The following ERICH3 variants were observed in gnomAD, a reference collection of about 807,000 sequenced individuals.
ERICH3 encodes the protein glutamate-rich protein 3.
In ERICH3, 126 loss-of-function variants were observed where a neutral mutation model predicts 131.1. The observed-to-expected ratio is 0.96, with a 90% CI of 0.83 to 1.11. ERICH3 has a LOEUF of 1.11. Among genes scored for constraint, ERICH3 ranks in the 50% most tolerant of loss-of-function variants. The pLI, the probability that ERICH3 is intolerant of heterozygous loss-of-function variation, is 0.00. For missense variants in ERICH3, 2,050 were observed against 1,810.7 expected (o/e 1.13, Z -2.40); for synonymous variants, 695 against 644.6 (o/e 1.08, Z -1.18).
chr1:74,619,237 A>G (rs1649110225), intron 8 of ERICH3, among the ~76,000 whole-genome samples: 1 of 152,184 alleles, frequency 6.6e-6, no homozygotes, highest in African/African-American at 2.4e-5. Context: ...CTCATCACAG[A>G]GTGTACATCA....
At chr1:74,589,250 A>G (rs1229796712) in intron 12 of ERICH3, 4 of 301,716 alleles carry the variant, frequency 1.3e-5, no homozygotes, top group African/African-American at 2.1e-5. Context: ...CATTAGCTAT[A>G]TATCTGAAAC....
intron 8 of ERICH3, among the ~76,000 whole-genome samples, chr1:74,613,826 G>A (rs1194547140): frequency 6.6e-6 from 1 of 152,060 alleles, no homozygotes; most frequent in Non-Finnish European, 1.5e-5. Context: ...TCAAAATCCT[G>A]TGTCTCATGA....
chr1:74,602,504 G>A (rs1056444835), intron 10 of ERICH3, among the ~76,000 whole-genome samples: 2 of 151,972 alleles, frequency 1.3e-5, no homozygotes, highest in Admixed American at 6.6e-5. Flanking sequence ...GAGTCAACAC[G>A]GGGTCAACAT....
intron 11 of ERICH3, among the ~76,000 whole-genome samples, chr1:74,593,707 C>G (rs767169287): frequency 1.3e-5 from 2 of 152,080 alleles, no homozygotes; most frequent in African/African-American, 4.8e-5. Context: ...TGACATAGCA[C>G]TTTACAAACA....
At chr1:74,602,607 G>A (rs1032026326) in intron 10 of ERICH3, among the ~76,000 whole-genome samples, 4 of 151,760 alleles carry the variant, frequency 2.6e-5, no homozygotes, top group South Asian at 2.1e-4. Context: ...AAACCCTTGC[G>A]GCTGTGGCTG....
intron 7 of ERICH3, chr1:74,623,289 A>T (rs1178904260): frequency 1.3e-5 from 2 of 152,188 alleles, no homozygotes; most frequent in East Asian, 3.9e-4. Flanking sequence ...AACTGAGCTG[A>T]TAAAGAAACA....
At chr1:74,590,196 A>C in intron 11 of ERICH3, 116 bp from the exon 12 acceptor site, 7 of 899,880 alleles carry the variant, frequency 7.8e-6, no homozygotes, top group Non-Finnish European at 1.1e-5. Context: ...TTTAATATAG[A>C]CCTGATATCC....
rs747984340 is a variant in ERICH3, at chr1:74,571,848, C to T, written c.3862G>A (p.Glu1288Lys). The change falls in exon 14 of 15, where the codon GAA becomes AAA. Residue 1288 changes from glutamate (E) to lysine (K), a missense_variant. Transcript: ENST00000326665. Reference sequence around the variant, plus strand: ...TCCTCTGGGTCCTCATCCACCGCTTCCTCCCTGAACTTTTCTGCCATTATG... The same window carrying T: ...TCCTCTGGGTCCTCATCCACCGCTTTCTCCCTGAACTTTTCTGCCATTATG... Reference protein sequence around the residue: ...DPIMAEKFREEAVDEDPEEEE... With the variant: ...DPIMAEKFREKAVDEDPEEEE... 9.9e-6 allele frequency: 16 copies of T among 1,612,212 alleles called. No individual in the cohort carries two copies. Among genetic ancestry groups the T allele is most frequent in the African/African-American group, 1.3e-5 (1 of 74,920 alleles).
intron 7 of ERICH3, among the ~76,000 whole-genome samples, chr1:74,627,453 A>G (rs1278577699): frequency 1.3e-5 from 2 of 152,286 alleles, no homozygotes; most frequent in East Asian, 1.9e-4. Flanking sequence ...AAAAAAACTA[A>G]GATGGTAGAA....
intron 12 of ERICH3, 146 bp from the exon 13 acceptor site, chr1:74,577,082 G>T: frequency 3.1e-6 from 2 of 638,366 alleles, no homozygotes; most frequent in Non-Finnish European, 2.7e-6. Flanking sequence ...AAAGAAGACT[G>T]ATCTGAAAAT....
intron 10 of ERICH3, among the ~76,000 whole-genome samples, chr1:74,601,120 T>C (rs1331305721): frequency 6.6e-6 from 1 of 151,852 alleles, no homozygotes; most frequent in African/African-American, 2.4e-5. Flanking sequence ...CATTTAAATA[T>C]AAAATATGAA....
At chr1:74,621,209 T>C (rs534746139) in intron 7 of ERICH3, among the ~76,000 whole-genome samples, 1 of 152,174 alleles carries the variant, frequency 6.6e-6, no homozygotes, top group East Asian at 1.9e-4. Context: ...TGTGTGGGAG[T>C]GTGTTTGTTA....
At chr1:74,655,307 A>G (rs976115216) in intron 1 of ERICH3, among the ~76,000 whole-genome samples, 2 of 152,214 alleles carry the variant, frequency 1.3e-5, no homozygotes, top group Non-Finnish European at 2.9e-5. Context: ...CTAGTAGCTT[A>G]AAACAATACA....
Position 74,572,977 on chromosome 1 carries a change from CA to C in ERICH3, c.2732del (p.Leu911ArgfsTer9), listed in dbSNP as rs1294336290. The C allele has an allele frequency of 6.2e-7, 1 of 1,614,168 alleles. No homozygotes were observed. The highest frequency in any genetic ancestry group is 1.7e-5 in the Admixed American group (1 of 60,030). ...CTACTTCATGAAGATGCTCCAAGTTCAGGGCTGCTGCTTCATTTGCAAGCAC... is the reference window on the plus strand; with the variant it reads ...CTACTTCATGAAGATGCTCCAAGTTCGGGCTGCTGCTTCATTTGCAAGCAC... Reference protein sequence around the residue: ...KAVLANEAAALNLEHLHEVAA... With the variant: ...KAVLANEAAAXNLEHLHEVAA... On this transcript the variant is annotated frameshift_variant, in exon 14 of 15. Coordinates refer to ENST00000326665, the MANE Select transcript of ERICH3 (RefSeq NM_001002912.5). LOFTEE classifies it high-confidence loss of function.
intron 14 of ERICH3, 38 bp from the exon 15 acceptor site, chr1:74,570,477 A>T (rs1218814352): frequency 6.6e-6 from 1 of 152,260 alleles, no homozygotes; most frequent in Admixed American, 6.5e-5. Flanking sequence ...ACCAGGATAA[A>T]ATCACTCACA....
chr1:74,667,052 G>T (rs923795823), intron 1 of ERICH3, among the ~76,000 whole-genome samples: 3 of 151,998 alleles, frequency 2.0e-5, no homozygotes, highest in African/African-American at 7.2e-5. Flanking sequence ...TAAACAAAAA[G>T]TAAAATTAAT....
At chr1:74,576,764 C>T in intron 13 of ERICH3, 131 bp downstream of exon 13, 1 of 769,012 alleles carries the variant, frequency 1.3e-6, no homozygotes, top group Non-Finnish European at 2.1e-6. Context: ...CAAATAAGCA[C>T]ACTTCTTAAA....
At chr1:74,660,704 G>C (rs188661728) in intron 1 of ERICH3, among the ~76,000 whole-genome samples, 1 of 148,964 alleles carries the variant, frequency 6.7e-6, no homozygotes, top group Admixed American at 6.7e-5. Flanking sequence ...TATTATGTGT[G>C]TATATATACA....
intron 11 of ERICH3, among the ~76,000 whole-genome samples, chr1:74,592,948 TA>T (rs570025474): frequency 9.5e-4 from 144 of 152,188 alleles, no homozygotes; most frequent in Non-Finnish European, 1.7e-3. Flanking sequence ...ATGCTTATAT[TA>T]AAAAAAACTT....
Sources: allele counts gnomAD v4.1 joint callset (sites outside exome capture counted in the v4.1 genomes callset), GRCh38; gene constraint gnomAD v4.1.1; transcripts MANE v1.5; gene names NCBI Gene and HGNC (gene_info 2026-07-23, HGNC 2026-07-21).